Variants in CHADL observed in about 807,000 individuals in gnomAD.
CHADL encodes chondroadherin-like protein.
Under a neutral mutation model 52.1 loss-of-function variants are expected in CHADL, and 48 were observed. The observed-to-expected ratio is 0.92, with a 90% confidence interval of 0.73 to 1.17. The LOEUF (loss-of-function observed/expected upper bound fraction) is 1.17. CHADL is among the 50% of genes most tolerant of loss of function. The pLI, the probability that CHADL is intolerant of heterozygous loss-of-function variation, is 0.00. For synonymous variants in CHADL, 498 were observed against 511.2 expected (o/e 0.97, Z 0.35); for missense variants, 977 against 1,035.1 (o/e 0.94, Z 0.77).
intron 4 of CHADL, 30 bp from the exon 5 acceptor site, chr22:41,235,373 C>T: frequency 1.3e-6 from 2 of 1,538,416 alleles, no homozygotes; most frequent in Non-Finnish European, 1.8e-6. Context: ...GGGGAGCTAG[C>T]TGTGCTGATT....
At position 41,237,390 on chromosome 22, in the gene CHADL, G is replaced by A. The variant is rs2032763933; in HGVS notation, c.1682C>T (p.Ser561Phe). ...CCGAGCTGGGCCCAGCGCCCCAAGG[G>A]ACACTTCGGTGATGCGGTTTCCACT... is the stretch of plus-strand genomic sequence containing the variant. Reference protein sequence around the residue: ...YLSGNRITEVSLGALGPAREL... With the variant: ...YLSGNRITEVFLGALGPAREL... Residue 561 changes from serine (S) to phenylalanine (F), a missense_variant, in exon 3 of 6, where the codon TCC becomes TTC. Ser to Phe is a radical substitution (Grantham distance 155). Coordinates refer to ENST00000216241, the MANE Select transcript of CHADL (RefSeq NM_138481.2). 1.9e-6 allele frequency: 3 copies of A among 1,550,520 alleles called. No homozygotes were observed. In the African/African-American group the frequency reaches 4.1e-5, roughly 21 times the overall value.
At chr22:41,232,728 C>T (rs1270136228) in intron 5 of CHADL, among the ~76,000 whole-genome samples, 3 of 152,056 alleles carry the variant, frequency 2.0e-5, no homozygotes, top group African/African-American at 4.8e-5. Flanking sequence ...GGTGGGGACC[C>T]GGGGTGTCTT....
rs1160392263 is a variant in CHADL at position 41,239,669 on chromosome 22, G to A, written c.9-49C>T. The A allele has an allele frequency of 6.3e-6, 9 of 1,434,686 alleles. No individual in the cohort carries two copies. The East Asian group carries it at 2.1e-4, about 33-fold the overall frequency. The allele number at this position is 1,434,686 out of a possible 1,614,324, so 88.9% of individuals were successfully genotyped here. On this transcript the variant is annotated intron_variant, in intron 1 of 5. Coordinates refer to ENST00000216241, the MANE Select transcript of CHADL (RefSeq NM_138481.2). ...TTGTGCACAAGGGCCGAGGCCACATGCTGTCCCTCACTTAGTCCCAGCCAT... is the reference window on the plus strand; with the variant it reads ...TTGTGCACAAGGGCCGAGGCCACATACTGTCCCTCACTTAGTCCCAGCCAT...
rs1477420153 is a variant in CHADL at position 41,237,533 on chromosome 22, T to G, written c.1539A>C (p.Pro513=). The part of the protein sequence containing the change: ...YLERNRFLQV[P]GAALRALPSL... ...TGGGCAGGGCGCGCAGGGCAGCCCC[T>G]GGCACCTGCAGGAAACGGTTGCGTT... is the stretch of plus-strand genomic sequence containing the variant. The change falls in exon 3 of 6, where the codon CCA becomes CCC. Residue 513 remains proline, a synonymous_variant. Transcript: ENST00000216241. 1 of 1,550,484 alleles carries G rather than the reference T, an allele frequency of 6.4e-7. No individual in the cohort carries two copies. Among genetic ancestry groups the G allele is most frequent in the South Asian group, 1.2e-5 (1 of 84,060 alleles).
At chr22:41,240,047 G>A (rs1328828139) in intron 1 of CHADL, among the ~76,000 whole-genome samples, 3 of 152,154 alleles carry the variant, frequency 2.0e-5, no homozygotes, top group Non-Finnish European at 4.4e-5. Flanking sequence ...CCAGAAAGGA[G>A]GGAGGCATCC....
At position 41,240,923 on chromosome 22, in the gene CHADL, G is replaced by A; in HGVS notation, c.-42C>T. ...GGTCCAGCCTGGAGGCGCAGCGCAG[G>A]GACAGGCTGTCCCCGCCTGGCAGGA... On this transcript the variant is annotated 5_prime_UTR_variant, in exon 1 of 6. Coordinates refer to ENST00000216241, the MANE Select transcript of CHADL (RefSeq NM_138481.2). The A allele has an allele frequency of 1.3e-6, 2 of 1,541,536 alleles. No individual in the cohort carries two copies. The highest frequency in any genetic ancestry group is 1.7e-6 in the Non-Finnish European group (2 of 1,144,472).
intron 1 of CHADL, among the ~76,000 whole-genome samples, chr22:41,240,244 C>T (rs749591128): frequency 2.6e-5 from 4 of 152,196 alleles, no homozygotes; most frequent in African/African-American, 4.8e-5. Context: ...CACACCACCA[C>T]GCCTGGCTAA....
At chr22:41,230,769 C>G (rs1226993598) in intron 5 of CHADL, 1 of 153,972 alleles carries the variant, frequency 6.5e-6, no homozygotes, top group Non-Finnish European at 1.4e-5. Context: ...CAGAATGCCT[C>G]TCAGCCTCAT....
intron 4 of CHADL, among the ~76,000 whole-genome samples, chr22:41,236,237 G>C (rs1258534930): frequency 6.6e-6 from 1 of 152,198 alleles, no homozygotes; most frequent in Non-Finnish European, 1.5e-5. Context: ...CAGCCCGCTA[G>C]GCAGAGCAGA....
At position 41,238,568 on chromosome 22, in the gene CHADL, G is replaced by T. The variant is rs2032799347; in HGVS notation, c.504C>A (p.Asn168Lys). 1.9e-6 allele frequency: 3 copies of T among 1,546,474 alleles called. No homozygotes were observed. In the East Asian group the frequency reaches 7.3e-5, roughly 38 times the overall value. ...GALATLNLAH[N>K]ALVYLPAMAF... ...CCATGGCGGGCAGGTAAACCAGGGC[G>T]TTGTGGGCCAGGTTTAGCGTGGCCA... Residue 168 changes from asparagine to lysine, a missense_variant, in exon 3 of 6, where the codon AAC becomes AAA. Transcript: ENST00000216241. This position sits in a 1 kb window ranked among gnomAD's most constrained non-coding sequence, Gnocchi z 4.9.
At chr22:41,230,418 G>T in intron 5 of CHADL, 1 of 610,188 alleles carries the variant, frequency 1.6e-6, no homozygotes, top group Non-Finnish European at 2.9e-6. Context: ...GGTCTCCTGG[G>T]ACCCGCCTGT....
At position 41,237,737 on chromosome 22, in the gene CHADL, G is replaced by A; in HGVS notation, c.1335C>T (p.Phe445=). The change falls in exon 3 of 6, where the codon TTC becomes TTT. Residue 445 remains phenylalanine, a synonymous_variant. Transcript: ENST00000216241. ...GCGACACCAGGTGGCCCAGGCCGGG[G>A]AAGGCCGCTCGGGGCACCGAGGGGA... The part of the protein sequence containing the change: ...NHFPSVPRAA[F]PGLGHLVSLH... 2 of 1,540,756 alleles carry A rather than the reference G, an allele frequency of 1.3e-6. No individual in the cohort carries two copies. The highest frequency in any genetic ancestry group is 8.8e-7 in the Non-Finnish European group (1 of 1,142,734).
intron 3 of CHADL, 76 bp from the exon 4 acceptor site, chr22:41,236,726 T>A: frequency 7.3e-7 from 1 of 1,376,130 alleles, no homozygotes; most frequent in Non-Finnish European, 9.7e-7. Flanking sequence ...GGGAGCCCCA[T>A]CTTCCCTCAG....
rs375372120 is a variant in CHADL, at chr22:41,232,175, AC to A, written c.2263-2446del. On this transcript the variant is annotated intron_variant, in intron 5 of 5. Coordinates refer to ENST00000216241, the MANE Select transcript of CHADL (RefSeq NM_138481.2). Reference sequence around the variant, plus strand: ...ATGAAACCCTGTCTCTACTAAAAATACAAAAAATTAGCCGGGCGTGGTGGCA... The same window carrying A: ...ATGAAACCCTGTCTCTACTAAAAATAAAAAAATTAGCCGGGCGTGGTGGCA... Among the ~76,000 whole-genome samples the A allele has an allele frequency of 3.8e-3, 575 of 151,970 alleles. 11 individuals carry two copies. In the East Asian group the frequency reaches 0.053, roughly 14 times the overall value.
chr22:41,240,746 G>A (rs2145641001), intron 1 of CHADL, 128 bp downstream of exon 1: 2 of 1,133,636 alleles, frequency 1.8e-6, no homozygotes, highest in East Asian at 2.7e-5. Context: ...CCCCTTCCTG[G>A]AGAACCCCAG....
chr22:41,229,848 C>A (rs748029026), intron 5 of CHADL, 118 bp from the exon 6 acceptor site: 4 of 933,000 alleles, frequency 4.3e-6, no homozygotes, highest in Non-Finnish European at 6.8e-6. Context: ...GGAGCTGAGT[C>A]CCCCTCTAGC....
Position 41,238,215 on chromosome 22 carries a change from C to A in CHADL, c.857G>T (p.Arg286Leu). ...GGGCAGGGTGTCTAGCTGGTTCCCG[C>A]GGAGGTCGAGGGTGTGCAGGCGCGG... is the stretch of plus-strand genomic sequence containing the variant. The part of the protein sequence containing the change: ...HCPRLHTLDL[R>L]GNQLDTLPPL... Residue 286 changes from arginine to leucine, a missense_variant, in exon 3 of 6, where the codon CGC becomes CTC. Physicochemically the swap from Arg to Leu is moderately radical, Grantham distance 102. Transcript: ENST00000216241. The surrounding 1 kb of genome is among the most constrained non-coding windows in gnomAD (Gnocchi z 4.9). 6.6e-7 allele frequency: 1 copy of A among 1,524,518 alleles called. No individual in the cohort carries two copies. Among genetic ancestry groups the A allele is most frequent in the Non-Finnish European group, 8.7e-7 (1 of 1,143,044 alleles). 94.4% of individuals were successfully genotyped at this position (1,524,518 alleles called of 1,614,324 possible).
At position 41,239,546 on chromosome 22, in the gene CHADL, G is replaced by A; in HGVS notation, c.83C>T (p.Ala28Val). ...GGCCTGTGGGCAGCGCTGGGCGGCG[G>A]CCTGCCTAGCCGGGGCCAGCAGCAG... The part of the protein sequence containing the change: ...VLLLLAPARQ[A>V]AAQRCPQACI... The change falls in exon 2 of 6, where the codon GCC (alanine) becomes GTC (valine). Residue 28 changes from alanine to valine, a missense_variant. Physicochemically the swap from Ala to Val is moderately conservative, Grantham distance 64 (BLOSUM62 0). Transcript: ENST00000216241. 1.3e-6 allele frequency: 2 copies of A among 1,548,626 alleles called. No individual in the cohort carries two copies. Among genetic ancestry groups the A allele is most frequent in the Non-Finnish European group, 1.7e-6 (2 of 1,146,114 alleles).
Position 41,231,155 on chromosome 22 carries a change from A to G in CHADL, c.2263-1425T>C, listed in dbSNP as rs2032569873. The G allele has an allele frequency of 2.0e-5, 3 of 152,318 alleles. No individual in the cohort carries two copies. In the South Asian group the frequency reaches 6.2e-4, roughly 32 times the overall value. 9.4% of individuals were successfully genotyped at this position (152,318 alleles called of 1,614,324 possible). On this transcript the variant is annotated intron_variant, in intron 5 of 5. Transcript: ENST00000216241. ...AGAAACCATGCCTGGAGGGGCCGTG[A>G]ACACAGAACCCTCAAGACAAGGATG...
Sources: gnomAD v4.1 joint callset for allele counts (sites outside exome capture counted in the v4.1 genomes callset) on GRCh38, gnomAD v4.1.1 for gene constraint, Gnocchi (gnomAD v3.1) non-coding constraint, MANE v1.5 for transcripts, NCBI Gene and HGNC (gene_info 2026-07-23, HGNC 2026-07-21) for gene names.